Variants in MFN1 observed in about 807,000 individuals in gnomAD.
MFN1 encodes mitofusin-1.
In MFN1, 65 loss-of-function variants were observed where a neutral mutation model predicts 92.4. The ratio of observed to expected loss-of-function variants is 0.70; its 90% CI spans 0.58 to 0.86. The LOEUF (loss-of-function observed/expected upper bound fraction) is 0.86, where lower values mean the gene tolerates loss of function less well. Ranked by LOEUF, MFN1 falls within the 40% of genes least tolerant of loss-of-function variation. The probability of loss-of-function intolerance (pLI) is 0.00; values close to 1 mark genes in which losing one functional copy is unlikely to be tolerated. For synonymous variants in MFN1, 297 were observed against 300.9 expected (o/e 0.99, Z 0.13); for missense variants, 781 against 868.0 (o/e 0.90, Z 1.26).
rs1010633930 is a variant in MFN1, at chr3:179,385,659, G to A, written c.1753G>A (p.Val585Ile). The A allele has an allele frequency of 1.2e-6, 2 of 1,613,714 alleles. No individual in the cohort carries two copies. The highest frequency in any genetic ancestry group is 1.7e-6 in the Non-Finnish European group (2 of 1,179,906). Residue 585 changes from valine (V) to isoleucine (I), a missense_variant, in exon 15 of 18, where the codon GTA (valine) becomes ATA (isoleucine). By Grantham distance (29) the Val-to-Ile change is conservative. Transcript: ENST00000471841. The stretch of plus-strand genomic sequence containing the variant: ...ACAGGAAGAACTCATGATTACATTA[G>A]TAACAGGATTGGCGTCCGTTACATC... ...ASQEELMITL[V>I]TGLASVTSRT...
intron 2 of MFN1, among the ~76,000 whole-genome samples, chr3:179,351,141 A>G (rs1712131556): frequency 6.6e-6 from 1 of 152,234 alleles, no homozygotes; most frequent in Admixed American, 6.5e-5. Context: ...AGAGGTGATA[A>G]GAATGTAAAC....
chr3:179,370,389 GTTCTTTTTTTTT>G (rs985108794), intron 9 of MFN1, among the ~76,000 whole-genome samples: 1 of 96,782 alleles, frequency 1.0e-5, no homozygotes, highest in African/African-American at 3.8e-5. Flanking sequence ...CATTCACTAA[GTTCTTTTTTTTT>G]TTTTTTTTTT....
At chr3:179,385,447 G>T in intron 14 of MFN1, 122 bp from the exon 15 acceptor site, 1 of 741,018 alleles carries the variant, frequency 1.3e-6, no homozygotes, top group African/African-American at 1.8e-5. Context: ...TATTTGTGGT[G>T]TACTCATCAT....
At chr3:179,379,334 TG>T (rs2108550612) in intron 14 of MFN1, among the ~76,000 whole-genome samples, 1 of 152,308 alleles carries the variant, frequency 6.6e-6, no homozygotes, top group East Asian at 1.9e-4. Context: ...GTAAAGATAC[TG>T]TTTAAAAAAA....
intron 9 of MFN1, among the ~76,000 whole-genome samples, chr3:179,371,720 CTT>C (rs1410258858): frequency 2.0e-5 from 3 of 152,062 alleles, no homozygotes; most frequent in Admixed American, 6.6e-5. Context: ...ATAAAAATAA[CTT>C]ATTTAAAATG....
At chr3:179,353,055 A>ATT (rs11408958) in intron 3 of MFN1, among the ~76,000 whole-genome samples, 95 of 139,822 alleles carry the variant, frequency 6.8e-4, no homozygotes, top group Non-Finnish European at 7.5e-4. Flanking sequence ...TCCAGCCTAA[A>ATT]TTTTTTTTTT....
chr3:179,378,134 G>A, intron 12 of MFN1: 1 of 534,888 alleles, frequency 1.9e-6, no homozygotes. Flanking sequence ...TGAGGCAGGA[G>A]GATCGCGTGA....
chr3:179,356,010 A>T (rs1285804609), intron 3 of MFN1, among the ~76,000 whole-genome samples: 3 of 148,966 alleles, frequency 2.0e-5, no homozygotes, highest in Non-Finnish European at 3.0e-5. Flanking sequence ...TTGGTATGGT[A>T]TAAAAAGAAA....
Position 179,392,782 on chromosome 3 carries a change from A to T in MFN1, c.*723A>T, listed in dbSNP as rs1277774011. Reference sequence around the variant, plus strand: ...GAGTAAAGTTTGAAGAGATAAAAATAGCCAAAGATAGGAGACGTCTGAATT... The same window carrying T: ...GAGTAAAGTTTGAAGAGATAAAAATTGCCAAAGATAGGAGACGTCTGAATT... On this transcript the variant is annotated 3_prime_UTR_variant, in exon 18 of 18. Transcript: ENST00000471841. The T allele has an allele frequency of 6.6e-6, 1 of 152,226 alleles. No individual in the cohort carries two copies. Among genetic ancestry groups the T allele is most frequent in the African/African-American group, 2.4e-5 (1 of 41,464 alleles). 9.4% of individuals were successfully genotyped at this position (152,226 alleles called of 1,614,324 possible). A position where few individuals can be genotyped will look rare whatever the true frequency, so the allele number is the denominator to read the frequency against.
At position 179,348,928 on chromosome 3, in the gene MFN1, T is replaced by A. The variant is rs1435369419; in HGVS notation, c.77T>A (p.Leu26Gln). Reference sequence around the variant, plus strand: ...ATTACTGCAATCTTTGACCAGTTACTGGAGTTTGTTACTGAAGGATCACAT... The same window carrying A: ...ATTACTGCAATCTTTGACCAGTTACAGGAGTTTGTTACTGAAGGATCACAT... The part of the protein sequence containing the change: ...KAITAIFDQL[L>Q]EFVTEGSHFV... Residue 26 changes from leucine to glutamine, a missense_variant, in exon 2 of 18, where the codon CTG becomes CAG. Physicochemically the swap from Leu to Gln is moderately radical, Grantham distance 113. Transcript: ENST00000471841. 4.4e-6 allele frequency: 7 copies of A among 1,600,942 alleles called. No individual in the cohort carries two copies. The East Asian group carries it at 1.6e-4, about 36-fold the overall frequency.
intron 5 of MFN1, among the ~76,000 whole-genome samples, chr3:179,362,840 G>C (rs775480473): frequency 3.9e-5 from 6 of 152,142 alleles, no homozygotes; most frequent in Non-Finnish European, 8.8e-5. Flanking sequence ...ACCTCACCTG[G>C]CTCCATTTTG....
chr3:179,364,728 C>T (rs1712717790), intron 6 of MFN1, among the ~76,000 whole-genome samples: 3 of 152,170 alleles, frequency 2.0e-5, no homozygotes, highest in African/African-American at 7.2e-5. Context: ...CTCCTTCCTT[C>T]TGCCATCTAT....
At chr3:179,351,263 A>T (rs116443944) in intron 2 of MFN1, among the ~76,000 whole-genome samples, 80 of 152,300 alleles carry the variant, frequency 5.3e-4, no homozygotes, top group African/African-American at 1.8e-3. Context: ...GAGGGCTGGG[A>T]TGTGCGGTTA....
chr3:179,356,138 C>T (rs1712337490), intron 3 of MFN1, among the ~76,000 whole-genome samples: 1 of 152,146 alleles, frequency 6.6e-6, no homozygotes, highest in African/African-American at 2.4e-5. Flanking sequence ...TGAATTTATG[C>T]TAATGAGTGG....
intron 8 of MFN1, 104 bp downstream of exon 8, chr3:179,367,696 G>A (rs1348090359): frequency 7.9e-6 from 8 of 1,007,048 alleles, no homozygotes; most frequent in African/African-American, 3.3e-5. Context: ...AGGCTGAGGC[G>A]GGCGGATCAT....
chr3:179,384,578 T>G (rs938808317), intron 14 of MFN1, among the ~76,000 whole-genome samples: 1 of 152,218 alleles, frequency 6.6e-6, no homozygotes, highest in Non-Finnish European at 1.5e-5. Context: ...ATATGTTTCT[T>G]TATTTTTTGA....
At chr3:179,382,852 T>C (rs1713524673) in intron 14 of MFN1, among the ~76,000 whole-genome samples, 1 of 152,256 alleles carries the variant, frequency 6.6e-6, no homozygotes, top group Non-Finnish European at 1.5e-5. Context: ...ACGTGTCTAT[T>C]GGCTGCATAA....
intron 2 of MFN1, among the ~76,000 whole-genome samples, chr3:179,349,504 G>A (rs2108520743): frequency 6.7e-6 from 1 of 149,028 alleles, no homozygotes; most frequent in South Asian, 2.2e-4. Context: ...TCTTACTAGG[G>A]AATACTTCTT....
At chr3:179,385,435 T>A in intron 14 of MFN1, 134 bp from the exon 15 acceptor site, 3 of 630,360 alleles carry the variant, frequency 4.8e-6, no homozygotes, top group Non-Finnish European at 7.7e-6. Context: ...ATTTTCTACA[T>A]ATATTTGTGG....
Sources: allele counts gnomAD v4.1 joint callset (sites outside exome capture counted in the v4.1 genomes callset), GRCh38; gene constraint gnomAD v4.1.1; transcripts MANE v1.5; gene names NCBI Gene and HGNC (gene_info 2026-07-23, HGNC 2026-07-21).